IPP: variants seen among roughly 807,000 people sequenced by gnomAD.
IPP encodes intracisternal A particle-promoted polypeptide.
A neutral mutation model predicts 64.1 loss-of-function variants in IPP; 41 were observed. That is an observed-to-expected ratio of 0.64 (90% CI 0.50 to 0.83). The LOEUF is 0.83. Among genes scored for constraint, IPP ranks in the 40% least tolerant of loss-of-function variants. The probability of loss-of-function intolerance (pLI) is 0.00; values close to 1 mark genes in which losing one functional copy is unlikely to be tolerated. For synonymous variants in IPP, 214 were observed against 235.2 expected, an observed-to-expected ratio of 0.91 and a Z score of 0.83; for missense variants, 649 against 703.0, an observed-to-expected ratio of 0.92 and a Z score of 0.87.
At chr1:45,733,388 T>A (rs1387024119) in intron 3 of IPP, among the ~76,000 whole-genome samples, 1 of 151,628 alleles carries the variant, frequency 6.6e-6, no homozygotes, top group Non-Finnish European at 1.5e-5. Flanking sequence ...ATCACACCAC[T>A]GACTCCAGCC....
intron 2 of IPP, among the ~76,000 whole-genome samples, chr1:45,742,729 G>C (rs1236442430): frequency 6.6e-6 from 1 of 151,738 alleles, no homozygotes; most frequent in East Asian, 1.9e-4. Context: ...TTAGAGACAG[G>C]GTTTTGCCGC....
intron 4 of IPP, among the ~76,000 whole-genome samples, chr1:45,728,146 G>C (rs1168507144): frequency 6.6e-6 from 1 of 150,584 alleles, no homozygotes; most frequent in Non-Finnish European, 1.5e-5. Flanking sequence ...GTGTGTGTGT[G>C]TGTGTGTGTG....
At chr1:45,740,547 G>T (rs935966163) in intron 3 of IPP, among the ~76,000 whole-genome samples, 1 of 151,734 alleles carries the variant, frequency 6.6e-6, no homozygotes, top group Non-Finnish European at 1.5e-5. Context: ...GCCGGGCGGG[G>T]GGCTGACCCC....
chr1:45,718,901 A>C (rs1645695241), intron 6 of IPP, among the ~76,000 whole-genome samples: 1 of 148,968 alleles, frequency 6.7e-6, no homozygotes, highest in Non-Finnish European at 1.5e-5. Flanking sequence ...GTTAATGAAT[A>C]CAAAAAAAAA....
chr1:45,713,245 T>C (rs188676552), intron 8 of IPP, among the ~76,000 whole-genome samples: 95 of 151,886 alleles, frequency 6.3e-4, no homozygotes, highest in East Asian at 7.8e-4. Context: ...CTGGGTTACA[T>C]AGCGAGACCC....
chr1:45,741,124 C>G lies in IPP; in HGVS notation c.501G>C (p.Leu167Phe). 1 of 1,614,114 alleles carries G rather than the reference C, an allele frequency of 6.2e-7. No individual in the cohort carries two copies. The highest frequency in any genetic ancestry group is 8.5e-7 in the Non-Finnish European group (1 of 1,179,990). ...FSENYIHVHFLEVHSGEEFLA... is the reference protein window; with the variant it reads ...FSENYIHVHFFEVHSGEEFLA... ...GGAACTCTTCTCCACTATGAACCTC[C>G]AAGAAATGGACATGAATGTAGTTTT... The change falls in exon 3 of 9, where the codon TTG (leucine) becomes TTC (phenylalanine). Residue 167 changes from leucine (L) to phenylalanine (F), a missense_variant. Leu to Phe is a conservative substitution (Grantham distance 22). Transcript: ENST00000396478.
At chr1:45,722,266 T>C (rs966049547) in intron 5 of IPP, among the ~76,000 whole-genome samples, 1 of 148,504 alleles carries the variant, frequency 6.7e-6, no homozygotes, top group African/African-American at 2.5e-5. Flanking sequence ...AAAATAAAAA[T>C]AAAAATACAG....
At chr1:45,733,789 G>A (rs563631880) in intron 3 of IPP, among the ~76,000 whole-genome samples, 23 of 151,400 alleles carry the variant, frequency 1.5e-4, no homozygotes, top group African/African-American at 5.1e-4. Context: ...CCGAGATCAC[G>A]CCATTGCATT....
intron 3 of IPP, among the ~76,000 whole-genome samples, chr1:45,734,044 C>T (rs770476133): frequency 5.9e-5 from 9 of 151,730 alleles, no homozygotes; most frequent in Non-Finnish European, 1.3e-4. Flanking sequence ...TGGTAGAGAA[C>T]ATCAAATCCA....
intron 8 of IPP, among the ~76,000 whole-genome samples, chr1:45,704,866 T>C (rs1005849869): frequency 6.6e-5 from 10 of 152,220 alleles, no homozygotes; most frequent in Admixed American, 2.0e-4. Flanking sequence ...CAGTTTACCA[T>C]TGCCAGTGGC....
intron 6 of IPP, among the ~76,000 whole-genome samples, chr1:45,718,439 A>G (rs932393807): frequency 2.6e-5 from 4 of 152,248 alleles, no homozygotes; most frequent in African/African-American, 9.6e-5. Flanking sequence ...CCAACTGGCC[A>G]GGCAGGCATC....
chr1:45,715,424 G>A (rs1366526460), intron 7 of IPP, among the ~76,000 whole-genome samples: 2 of 152,084 alleles, frequency 1.3e-5, no homozygotes, highest in South Asian at 2.1e-4. Context: ...GGCAGATGAC[G>A]AGGTCAGGAG....
chr1:45,714,146 G>A (rs758385427), intron 8 of IPP, 100 bp downstream of exon 8: 13 of 827,794 alleles, frequency 1.6e-5, no homozygotes, highest in Non-Finnish European at 2.5e-5. Flanking sequence ...AAAAATCCAC[G>A]AATGATCAAT....
At chr1:45,707,602 G>A (rs754625245) in intron 8 of IPP, among the ~76,000 whole-genome samples, 6 of 151,934 alleles carry the variant, frequency 3.9e-5, no homozygotes, top group Admixed American at 6.6e-5. Context: ...TGGACACTGC[G>A]AACTAGAAGT....
Position 45,740,428 on chromosome 1 carries a change from C to T in IPP, c.724+473G>A, listed in dbSNP as rs372002873. ...GCAGAGGCGCCCCTCACCTCCCGGA[C>T]GGGGCGGCTGGCCGGGCGGGGGGCT... On this transcript the variant is annotated intron_variant, in intron 3 of 8. Transcript: ENST00000396478. Among the ~76,000 whole-genome samples the T allele has an allele frequency of 8.7e-4, 133 of 152,130 alleles. No homozygotes were observed. In the South Asian group the frequency reaches 0.016, roughly 18 times the overall value.
chr1:45,747,200 T>C (rs1646150063), intron 1 of IPP, among the ~76,000 whole-genome samples: 1 of 151,954 alleles, frequency 6.6e-6, no homozygotes, highest in African/African-American at 2.4e-5. Flanking sequence ...AGCACCAGTA[T>C]ATAACATATG....
At chr1:45,708,159 G>C (rs1199802519) in intron 8 of IPP, among the ~76,000 whole-genome samples, 1 of 151,304 alleles carries the variant, frequency 6.6e-6, no homozygotes, top group African/African-American at 2.4e-5. Context: ...CCACCTCCCA[G>C]GTTCATGCCA....
intron 1 of IPP, among the ~76,000 whole-genome samples, chr1:45,749,526 T>TTTTG (rs372967119): frequency 0.29 from 38,658 of 132,936 alleles, 5,444 homozygotes; most frequent in South Asian, 0.36. Flanking sequence ...TTGTTTTTTG[T>TTTTG]TTTTTTTTTT....
chr1:45,720,680 A>G (rs1467717205), intron 5 of IPP, among the ~76,000 whole-genome samples: 3 of 152,202 alleles, frequency 2.0e-5, no homozygotes, highest in African/African-American at 2.4e-5. Context: ...ACAGAAAAGA[A>G]ATTCTAGGAA....
Sources: gnomAD v4.1 joint callset for allele counts (sites outside exome capture counted in the v4.1 genomes callset) on GRCh38, gnomAD v4.1.1 for gene constraint, MANE v1.5 for transcripts, NCBI Gene and HGNC (gene_info 2026-07-23, HGNC 2026-07-21) for gene names.